KDM3B: variants seen among roughly 807,000 people sequenced by gnomAD.
KDM3B encodes lysine demethylase 3B.
Under a neutral mutation model 170.0 loss-of-function variants are expected in KDM3B, and 10 were observed. The observed-to-expected ratio is 0.06, with a 90% CI of 0.04 to 0.10. The LOEUF is 0.10. Among genes scored for constraint, KDM3B ranks in the 10% least tolerant of loss-of-function variants. The pLI is 1.00. For synonymous variants in KDM3B, 831 were observed against 834.8 expected, an observed-to-expected ratio of 1.00 and a Z score of 0.08; for missense variants, 1,394 against 2,195.2, an observed-to-expected ratio of 0.64 and a Z score of 7.29.
intron 1 of KDM3B, among the ~76,000 whole-genome samples, chr5:138,365,837 A>G (rs1046367095): frequency 6.6e-6 from 1 of 151,918 alleles, no homozygotes; most frequent in Non-Finnish European, 1.5e-5. Flanking sequence ...CGTCTCTACT[A>G]AAAATACAAA....
intron 11 of KDM3B, among the ~76,000 whole-genome samples, chr5:138,412,446 G>C (rs991879403): frequency 2.0e-5 from 3 of 152,032 alleles, no homozygotes; most frequent in Non-Finnish European, 4.4e-5. Context: ...TTGAGCCCAG[G>C]AGTTCAAGAC....
intron 11 of KDM3B, among the ~76,000 whole-genome samples, chr5:138,400,275 C>T (rs548799608): frequency 5.5e-4 from 83 of 151,588 alleles, no homozygotes; most frequent in African/African-American, 2.0e-3. Flanking sequence ...CGCTCTGTTG[C>T]CCAGGTTGGA....
intron 9 of KDM3B, among the ~76,000 whole-genome samples, chr5:138,394,949 G>C (rs897931128): frequency 2.0e-5 from 3 of 152,138 alleles, no homozygotes; most frequent in African/African-American, 7.2e-5. Flanking sequence ...ATTTTCTGAT[G>C]AATTAGATGT....
At chr5:138,368,336 T>C (rs1761794986) in intron 1 of KDM3B, among the ~76,000 whole-genome samples, 2 of 151,092 alleles carry the variant, frequency 1.3e-5, no homozygotes, top group Non-Finnish European at 2.9e-5. Context: ...TGGCCCAAGC[T>C]GTCCTCCCAT....
intron 9 of KDM3B, 82 bp from the exon 10 acceptor site, chr5:138,398,096 C>A: frequency 9.5e-7 from 1 of 1,054,662 alleles, no homozygotes; most frequent in South Asian, 1.6e-5. Flanking sequence ...TCTCATTTTA[C>A]TTCTGTTTAG....
At chr5:138,409,065 G>A (rs1762896733) in intron 11 of KDM3B, among the ~76,000 whole-genome samples, 1 of 152,184 alleles carries the variant, frequency 6.6e-6, no homozygotes, top group East Asian at 1.9e-4. Flanking sequence ...ACACAACTAT[G>A]TATAAGTAGA....
At chr5:138,360,015 C>T (rs973097432) in intron 1 of KDM3B, among the ~76,000 whole-genome samples, 4 of 152,230 alleles carry the variant, frequency 2.6e-5, no homozygotes, top group Admixed American at 1.3e-4. Flanking sequence ...ACCTCCCCAC[C>T]GAACCTTTCC....
chr5:138,395,764 G>A (rs1177705277), intron 9 of KDM3B, among the ~76,000 whole-genome samples: 2 of 151,154 alleles, frequency 1.3e-5, no homozygotes, highest in South Asian at 2.1e-4. Context: ...TTATAGGTGC[G>A]CGCCACCATG....
chr5:138,364,067 G>A (rs977185711), intron 1 of KDM3B, among the ~76,000 whole-genome samples: 1 of 151,684 alleles, frequency 6.6e-6, no homozygotes, highest in African/African-American at 2.4e-5. Context: ...CAGGTGCCAC[G>A]CCACCATGCC....
At chr5:138,418,681 C>T (rs1763172345) in intron 13 of KDM3B, among the ~76,000 whole-genome samples, 1 of 152,142 alleles carries the variant, frequency 6.6e-6, no homozygotes, top group Admixed American at 6.6e-5. Flanking sequence ...TTTAAATTAC[C>T]AATTCACCAT....
chr5:138,383,346 C>T (rs1192526832), intron 6 of KDM3B, among the ~76,000 whole-genome samples: 1 of 152,018 alleles, frequency 6.6e-6, no homozygotes, highest in Non-Finnish European at 1.5e-5. Context: ...ACCATATTGA[C>T]CAGGCTGGTG....
chr5:138,381,606 G>C lies in KDM3B; in HGVS notation c.780+16G>C. 2 of 1,461,094 alleles carry C rather than the reference G, an allele frequency of 1.4e-6. No homozygotes were observed. Among genetic ancestry groups the C allele is most frequent in the East Asian group, 2.3e-5 (1 of 44,226 alleles). The allele number at this position is 1,461,094 out of a possible 1,614,324, so 90.5% of individuals were successfully genotyped here. On this transcript the variant is annotated intron_variant, in intron 6 of 23. Transcript: ENST00000314358. ...TCAAAGCGAGGTACAGTAATGGACT[G>C]CATTCCTGAGCAGACTCATGAGCTT...
chr5:138,375,009 AT>A, intron 2 of KDM3B, 83 bp from the exon 3 acceptor site: 1 of 777,440 alleles, frequency 1.3e-6, no homozygotes, highest in Middle Eastern at 2.3e-4. Flanking sequence ...TATAATAATT[AT>A]TTCTTTGAAG....
At chr5:138,427,900 T>G in intron 19 of KDM3B, 67 bp from the exon 20 acceptor site, 1 of 1,467,468 alleles carries the variant, frequency 6.8e-7, no homozygotes, top group Non-Finnish European at 9.4e-7. Context: ...TGTTTTCAGA[T>G]GTAGTGTCGA....
chr5:138,435,185 A>G (rs762053781), intron 23 of KDM3B, among the ~76,000 whole-genome samples: 6 of 152,232 alleles, frequency 3.9e-5, no homozygotes, highest in Non-Finnish European at 7.3e-5. Context: ...GTTTTAATGC[A>G]TCCTTATTAG....
At chr5:138,394,776 A>C (rs1762510381) in intron 9 of KDM3B, among the ~76,000 whole-genome samples, 1 of 152,234 alleles carries the variant, frequency 6.6e-6, no homozygotes, top group Admixed American at 6.5e-5. Flanking sequence ...ATGTTTTAAA[A>C]GGCCACTTTG....
intron 10 of KDM3B, 116 bp from the exon 11 acceptor site, chr5:138,399,744 A>C: frequency 1.2e-6 from 1 of 832,552 alleles, no homozygotes; most frequent in East Asian, 2.6e-5. Context: ...CACAGACTTT[A>C]TGAATCTTTG....
At chr5:138,370,813 T>G (rs1200245060) in intron 1 of KDM3B, among the ~76,000 whole-genome samples, 2 of 151,878 alleles carry the variant, frequency 1.3e-5, no homozygotes, top group Non-Finnish European at 2.9e-5. Context: ...TGAGTTTGTT[T>G]TTTTTTTTTT....
rs763631369 is a variant in KDM3B at position 138,391,924 on chromosome 5, C to T, written c.2292C>T (p.Thr764=). The T allele has an allele frequency of 3.7e-5, 59 of 1,612,878 alleles. No individual in the cohort carries two copies. The East Asian group carries it at 1.2e-3, about 34-fold the overall frequency. Residue 764 remains threonine, a synonymous_variant, in exon 8 of 24, where the codon ACC becomes ACT. Transcript: ENST00000314358. The surrounding 1 kb of genome is among the most constrained non-coding windows in gnomAD (Gnocchi z 5.0). ...PGQQDNPLLK[T]FSNVFGRHSG... is the part of the protein sequence containing the mutation. ...AGCAGGACAATCCCCTCCTCAAAAC[C>T]TTTAGTAACGTCTTTGGCAGGCACT...
Sources: gnomAD v4.1 joint callset for allele counts (sites outside exome capture counted in the v4.1 genomes callset) on GRCh38, gnomAD v4.1.1 for gene constraint, Gnocchi (gnomAD v3.1) non-coding constraint, MANE v1.5 for transcripts, NCBI Gene and HGNC (gene_info 2026-07-23, HGNC 2026-07-21) for gene names.